FLT4: variants seen among roughly 807,000 people sequenced by gnomAD.
The protein encoded by FLT4 is fms related receptor tyrosine kinase 4.
FLT4 carries 30 observed loss-of-function variants against 163.2 expected under a neutral mutation model. That is an observed-to-expected ratio of 0.18 (90% CI 0.14 to 0.25). The LOEUF is 0.25. FLT4 is among the 10% of genes least tolerant of loss of function. FLT4 has a pLI of 1.00. For synonymous variants in FLT4, 884 were observed against 789.5 expected (o/e 1.12, Z -2.01); for missense variants, 1,510 against 1,863.8 (o/e 0.81, Z 3.50).
At chr5:180,618,744 G>T (rs1762871267) in intron 21 of FLT4, 26 bp downstream of exon 21, 1 of 1,577,446 alleles carries the variant, frequency 6.3e-7, no homozygotes. Flanking sequence ...CAGGCACTAG[G>T]AAAAGGGAAG....
In FLT4 at chr5:180,613,166, C is replaced by A. The variant is rs1176325440; in HGVS notation, c.3332-56G>T. 3.1e-6 allele frequency: 4 copies of A among 1,272,088 alleles called. No individual in the cohort carries two copies. In the Middle Eastern group the frequency reaches 5.9e-4, roughly 187 times the overall value. 78.8% of individuals were successfully genotyped at this position (1,272,088 alleles called of 1,614,324 possible). A position where few individuals can be genotyped will look rare whatever the true frequency, so the allele number is the denominator to read the frequency against. On this transcript the variant is annotated intron_variant, in intron 24 of 29. Coordinates refer to ENST00000261937, the MANE Select transcript of FLT4 (RefSeq NM_182925.5). ...GCAAGCCTCCTGCGGCTCAGCCCAG[C>A]CCCCCAAGTCACCCCATCCTGTCCC... is the stretch of plus-strand genomic sequence containing the variant.
chr5:180,645,682 G>A (rs761272675), intron 1 of FLT4, among the ~76,000 whole-genome samples: 2 of 152,180 alleles, frequency 1.3e-5, no homozygotes, highest in African/African-American at 2.4e-5. Context: ...CTGTTACCCC[G>A]TCCAGCCCGG....
chr5:180,616,480 T>C lies in FLT4; in HGVS notation c.3106A>G (p.Arg1036Gly). Residue 1036 changes from arginine to glycine, a missense_variant, in exon 23 of 30, where the codon AGA (arginine) becomes GGA (glycine). Physicochemically the swap from Arg to Gly is moderately radical, Grantham distance 125. This residue lies in a region of FLT4 where 878 missense variants were observed against 1,016.7 expected (regional missense o/e 0.86). Transcript: ENST00000261937. ...EFLASRKCIH[R>G]DLAARNILLS... The stretch of plus-strand genomic sequence containing the variant: ...AGAATGTTCCGAGCAGCCAGGTCTC[T>C]GTGGATGCACTGGGGTGCGGGGAGG... The C allele has an allele frequency of 6.2e-7, 1 of 1,613,700 alleles. No homozygotes were observed. Among genetic ancestry groups the C allele is most frequent in the East Asian group, 2.2e-5 (1 of 44,884 alleles).
intron 28 of FLT4, 41 bp downstream of exon 28, chr5:180,609,864 C>T: frequency 6.2e-7 from 1 of 1,613,260 alleles, no homozygotes; most frequent in South Asian, 1.1e-5. Flanking sequence ...CGGCCCCAGC[C>T]CTGAGCCGAG....
chr5:180,619,699 G>A lies in FLT4; in HGVS notation c.2613C>T (p.Ser871=). ...TTTTCACGGCCACGGTGTCACAGCT[G>A]CTGCCCTTGTGGATGCCGAAAGCGG... ...EASAFGIHKG[S]SCDTVAVKML... The change falls in exon 18 of 30, where the codon AGC becomes AGT. Residue 871 remains serine, a synonymous_variant. Coordinates refer to ENST00000261937, the MANE Select transcript of FLT4 (RefSeq NM_182925.5). 1.9e-6 allele frequency: 3 copies of A among 1,612,694 alleles called. No homozygotes were observed. Among genetic ancestry groups the A allele is most frequent in the Non-Finnish European group, 2.5e-6 (3 of 1,179,886 alleles).
In FLT4 at chr5:180,602,959, G is replaced by A. The variant is rs1201501648; in HGVS notation, c.*233C>T. 2 of 598,230 alleles carry A rather than the reference G, an allele frequency of 3.3e-6. No homozygotes were observed. The highest frequency in any genetic ancestry group is 1.9e-5 in the African/African-American group (1 of 53,832). The allele number at this position is 598,230 out of a possible 1,614,324, so 37.1% of individuals were successfully genotyped here. A position where few individuals can be genotyped will look rare whatever the true frequency, so the allele number is the denominator to read the frequency against. ...TGAACTAAATGACATCTGAATCTCA[G>A]GGGGAGGGGCCGGGGCAGCTGGAGC... On this transcript the variant is annotated 3_prime_UTR_variant, in exon 30 of 30. Transcript: ENST00000261937.
At position 180,609,862 on chromosome 5, in the gene FLT4, G is replaced by A. The variant is rs768983796; in HGVS notation, c.3807+43C>T. ...CGCTGCCTCCCCTGAGGCGGCCCCA[G>A]CCCTGAGCCGAGAGCGCAGCCCCCA... On this transcript the variant is annotated intron_variant, in intron 28 of 29. Transcript: ENST00000261937. 4.3e-6 allele frequency: 7 copies of A among 1,612,666 alleles called. No individual in the cohort carries two copies. In the East Asian group the frequency reaches 6.7e-5, roughly 15 times the overall value.
Position 180,629,967 on chromosome 5 carries a change from T to A in FLT4, c.652A>T (p.Asn218Tyr). 6.2e-7 allele frequency: 1 copy of A among 1,612,776 alleles called. No individual in the cohort carries two copies. The highest frequency in any genetic ancestry group is 8.5e-7 in the Non-Finnish European group (1 of 1,180,004). Residue 218 changes from asparagine (N) to tyrosine (Y), a missense_variant, in exon 5 of 30, where the codon AAC (asparagine) becomes TAC (tyrosine). This residue lies in a region of FLT4 where 163 missense variants were observed against 281.1 expected (regional missense o/e 0.58). Transcript: ENST00000261937. ...CCTGTGATGTGCACCAGGAAGGGGT[T>A]GGAAAGGAAGTCCTGGTCTCCCCAG... Reference protein sequence around the residue: ...TTWGDQDFLSNPFLVHITGNE... With the variant: ...TTWGDQDFLSYPFLVHITGNE...
intron 1 of FLT4, among the ~76,000 whole-genome samples, chr5:180,632,775 CGT>C (rs1210915007): frequency 1.3e-5 from 2 of 152,126 alleles, no homozygotes; most frequent in East Asian, 1.9e-4. Flanking sequence ...GACATGCTGG[CGT>C]GTGTTCACAC....
intron 13 of FLT4, 142 bp downstream of exon 13, chr5:180,621,400 G>A: frequency 7.1e-7 from 1 of 1,415,982 alleles, no homozygotes; most frequent in Non-Finnish European, 9.5e-7. Context: ...CTCCGCAGGG[G>A]GCGGCGGATA....
chr5:180,609,085 C>G, intron 28 of FLT4, 32 bp from the exon 29 acceptor site: 1 of 1,593,940 alleles, frequency 6.3e-7, no homozygotes, highest in Non-Finnish European at 8.6e-7. Context: ...GGCTGTGGGT[C>G]CCGCCTGAGG....
chr5:180,631,758 T>C lies in FLT4; in HGVS notation c.79A>G (p.Met27Val). 5.6e-6 allele frequency: 9 copies of C among 1,610,090 alleles called. No homozygotes were observed. Among genetic ancestry groups the C allele is most frequent in the Non-Finnish European group, 7.6e-6 (9 of 1,179,768 alleles). Residue 27 changes from methionine to valine, a missense_variant, in exon 2 of 30, where the codon ATG (methionine) becomes GTG (valine). Coordinates refer to ENST00000261937, the MANE Select transcript of FLT4 (RefSeq NM_182925.5). ...LLDGLVSGYS[M>V]TPPTLNITEE... ...GTGATGTTCAAGGTCGGGGGGGTCA[T>C]GGAGTAGCCACTCACCAGGCCTGGG...
chr5:180,638,026 C>T (rs1481503194), intron 1 of FLT4, among the ~76,000 whole-genome samples: 1 of 152,128 alleles, frequency 6.6e-6, no homozygotes, highest in Admixed American at 6.5e-5. Context: ...CTCCAGGCTG[C>T]AGACCTAGTG....
rs754585862 is a variant in FLT4 at position 180,628,938 on chromosome 5, G to A, written c.1047C>T (p.Asp349=). Residue 349 remains aspartate (D), a synonymous_variant, in exon 8 of 30, where the codon GAC becomes GAT. Transcript: ENST00000261937. ...GCTTCACGGGCAGCTTCACCAGCTCGTCTCCTGCCGTGGCCTCCAGGATGG... is the reference window on the plus strand; with the variant it reads ...GCTTCACGGGCAGCTTCACCAGCTCATCTCCTGCCGTGGCCTCCAGGATGG... ...KGPILEATAG[D]ELVKLPVKLA... 17 of 1,612,612 alleles carry A rather than the reference G, an allele frequency of 1.1e-5. No individual in the cohort carries two copies. Among genetic ancestry groups the A allele is most frequent in the African/African-American group, 5.3e-5 (4 of 74,924 alleles).
chr5:180,619,349 C>T lies in FLT4; in HGVS notation c.2665G>A (p.Glu889Lys). The T allele has an allele frequency of 6.2e-7, 1 of 1,609,986 alleles. No individual in the cohort carries two copies. ...AGCTCCGACATCAGCGCGCGGTGCT[C>T]GCTGGCCGTGGCGCCCTCTGGAGGG... is the stretch of plus-strand genomic sequence containing the variant. ...KMLKEGATAS[E>K]HRALMSELKI... Residue 889 changes from glutamate (E) to lysine (K), a missense_variant, in exon 19 of 30, where the codon GAG becomes AAG. Glu to Lys is a moderately conservative substitution (Grantham distance 56, BLOSUM62 1). This residue lies in a region of FLT4 where 878 missense variants were observed against 1,016.7 expected (regional missense o/e 0.86). Transcript: ENST00000261937.
At chr5:180,637,126 G>A (rs1176124789) in intron 1 of FLT4, among the ~76,000 whole-genome samples, 1 of 151,878 alleles carries the variant, frequency 6.6e-6, no homozygotes, top group Non-Finnish European at 1.5e-5. Flanking sequence ...AGGCTGAGGC[G>A]GGCGGACCAT....
At chr5:180,626,353 A>AG (rs1763612172) in intron 8 of FLT4, 88 bp from the exon 9 acceptor site, 1 of 1,461,278 alleles carries the variant, frequency 6.8e-7, no homozygotes, top group Admixed American at 1.7e-5. Flanking sequence ...TACAGTTGGG[A>AG]GGAGGGAGGG....
intron 25 of FLT4, 35 bp from the exon 26 acceptor site, chr5:180,612,646 C>A (rs2127794799): frequency 7.1e-7 from 1 of 1,405,540 alleles, no homozygotes; most frequent in Non-Finnish European, 9.8e-7. Context: ...ACTGCATGCA[C>A]CCCACCCCCG....
chr5:180,609,035 C>A lies in FLT4; in HGVS notation c.3826G>T (p.Gly1276Trp), dbSNP rs1369398175. Reference protein sequence around the residue: ...KGSVDNQTDSGMVLASEEFEQ... With the variant: ...KGSVDNQTDSWMVLASEEFEQ... ...AACTCCTCCGAGGCCAGCACCATCC[C>A]ACTGTCTGTCTGGTTGTCCTGTGTG... is the stretch of plus-strand genomic sequence containing the variant. Residue 1276 changes from glycine to tryptophan, a missense_variant, in exon 29 of 30, where the codon GGG becomes TGG. Physicochemically the swap from Gly to Trp is radical, Grantham distance 184 (BLOSUM62 -2). Transcript: ENST00000261937. 1 of 1,614,068 alleles carries A rather than the reference C, an allele frequency of 6.2e-7. No individual in the cohort carries two copies. The highest frequency in any genetic ancestry group is 1.3e-5 in the African/African-American group (1 of 74,926).
Sources: gnomAD v4.1 joint callset for allele counts (sites outside exome capture counted in the v4.1 genomes callset) on GRCh38, gnomAD v4.1.1 for gene constraint, gnomAD v4.1.1 regional missense constraint, MANE v1.5 for transcripts, NCBI Gene and HGNC (gene_info 2026-07-23, HGNC 2026-07-21) for gene names.